Variants in ADAMTS18 observed in about 807,000 individuals in gnomAD.
ADAMTS18 encodes ADAM metallopeptidase with thrombospondin type 1 motif 18, also known as A disintegrin and metalloproteinase with thrombospondin motifs 18.
Under a neutral mutation model 165.9 loss-of-function variants are expected in ADAMTS18, and 157 were observed. That is an observed-to-expected ratio of 0.95 (90% CI 0.83 to 1.08). The LOEUF is 1.08. Ranked by LOEUF, ADAMTS18 falls within the 50% of genes least tolerant of loss-of-function variation. ADAMTS18 has a pLI of 0.00. For missense variants in ADAMTS18, 2,040 were observed against 1,534.0 expected (o/e 1.33, Z -5.51); for synonymous variants, 782 against 578.2 (o/e 1.35, Z -5.06).
intron 16 of ADAMTS18, among the ~76,000 whole-genome samples, chr16:77,318,392 T>G (rs529278823): frequency 7.2e-5 from 11 of 152,318 alleles, no homozygotes; most frequent in African/African-American, 2.6e-4. Context: ...TGTGGCCAAG[T>G]GAGCCAGGAA....
chr16:77,383,170 C>T (rs1009875415), intron 3 of ADAMTS18, among the ~76,000 whole-genome samples: 4 of 152,120 alleles, frequency 2.6e-5, no homozygotes, highest in Non-Finnish European at 5.9e-5. Context: ...CAGTGGTCTC[C>T]TATCTCCTCT....
At position 77,283,267 on chromosome 16, in the gene ADAMTS18, T is replaced by A. The variant is rs1049710701; in HGVS notation, c.*689A>T. 2 of 152,698 alleles carry A rather than the reference T, an allele frequency of 1.3e-5. No individual in the cohort carries two copies. Among genetic ancestry groups the A allele is most frequent in the African/African-American group, 4.8e-5 (2 of 41,440 alleles). The allele number at this position is 152,698 out of a possible 1,614,324, so 9.5% of individuals were successfully genotyped here. A position where few individuals can be genotyped will look rare whatever the true frequency, so the allele number is the denominator to read the frequency against. On this transcript the variant is annotated 3_prime_UTR_variant, in exon 23 of 23. Coordinates refer to ENST00000282849, the MANE Select transcript of ADAMTS18 (RefSeq NM_199355.4). ...TGCATGAATTTCAATTACATGGAGA[T>A]CTTAAACAGTCCATGTTGCCCTATT...
At chr16:77,317,159 C>T (rs1412212774) in intron 16 of ADAMTS18, among the ~76,000 whole-genome samples, 2 of 152,138 alleles carry the variant, frequency 1.3e-5, no homozygotes, top group African/African-American at 2.4e-5. Flanking sequence ...ACAATCTGTA[C>T]ATCTGCCTTC....
chr16:77,389,917 G>A (rs370653379), intron 3 of ADAMTS18, among the ~76,000 whole-genome samples: 25 of 152,270 alleles, frequency 1.6e-4, no homozygotes, highest in Admixed American at 3.3e-4. Flanking sequence ...ATAAGATAAC[G>A]TGTGCCCACA....
chr16:77,403,943 C>T (rs1420335291), intron 3 of ADAMTS18, among the ~76,000 whole-genome samples: 8 of 152,048 alleles, frequency 5.3e-5, no homozygotes, highest in Non-Finnish European at 1.2e-4. Context: ...AGAGTGTGAC[C>T]TTGGAGCAGA....
chr16:77,340,406 C>T (rs533406323), intron 11 of ADAMTS18, among the ~76,000 whole-genome samples: 37 of 152,244 alleles, frequency 2.4e-4, no homozygotes, highest in African/African-American at 8.7e-4. Context: ...AACTTCTGAC[C>T]TCAAGGGATC....
Position 77,289,423 on chromosome 16 carries a change from A to G in ADAMTS18, c.3403-12T>C. On this transcript the variant is annotated splice_polypyrimidine_tract_variant and intron_variant, in intron 21 of 22. Transcript: ENST00000282849. ...CAGGTGACTGTGCACTGCAGCAGAG[A>G]GAAGAGGAAGGAGTCAGAAACACTC... is the stretch of plus-strand genomic sequence containing the variant. 6.2e-7 allele frequency: 1 copy of G among 1,613,800 alleles called. No individual in the cohort carries two copies. Among genetic ancestry groups the G allele is most frequent in the Non-Finnish European group, 8.5e-7 (1 of 1,179,920 alleles).
intron 3 of ADAMTS18, among the ~76,000 whole-genome samples, chr16:77,368,622 G>A (rs2056833838): frequency 6.6e-6 from 1 of 151,664 alleles, no homozygotes; most frequent in Non-Finnish European, 1.5e-5. Context: ...TATTGCCCAG[G>A]CTCGTCTCAA....
chr16:77,434,463 C>T lies in ADAMTS18; in HGVS notation c.133G>A (p.Ala45Thr), dbSNP rs199523966. Residue 45 changes from alanine to threonine, a missense_variant, in exon 2 of 23, where the codon GCC (alanine) becomes ACC (threonine). Coordinates refer to ENST00000282849, the MANE Select transcript of ADAMTS18 (RefSeq NM_199355.4). ...CCGCTGCTGCTGTCACTGGCTAAGG[C>T]CGCGGCGACCGACGCACAGCAGAGG... is the stretch of plus-strand genomic sequence containing the variant. ...CCLCCASVAA[A>T]LASDSSSGAS... is the part of the protein sequence containing the mutation. 8.7e-5 allele frequency: 137 copies of T among 1,571,164 alleles called. No individual in the cohort carries two copies. Among genetic ancestry groups the T allele is most frequent in the Non-Finnish European group, 1.1e-4 (125 of 1,163,922 alleles).
intron 3 of ADAMTS18, among the ~76,000 whole-genome samples, chr16:77,395,415 C>T (rs1000374445): frequency 6.6e-6 from 1 of 152,184 alleles, no homozygotes; most frequent in Admixed American, 6.5e-5. Context: ...ACTTCTTCCT[C>T]CTACAGAGCA....
chr16:77,298,266 T>C (rs557202705), intron 17 of ADAMTS18, among the ~76,000 whole-genome samples: 111 of 152,166 alleles, frequency 7.3e-4, no homozygotes, highest in Non-Finnish European at 1.3e-3. Flanking sequence ...TCAACATTAA[T>C]TTCAGGACTT....
intron 11 of ADAMTS18, among the ~76,000 whole-genome samples, chr16:77,336,163 G>T (rs779873867): frequency 1.3e-5 from 2 of 152,218 alleles, no homozygotes; most frequent in Non-Finnish European, 2.9e-5. Context: ...TTTGTGAACT[G>T]TGGAGGTGAC....
intron 11 of ADAMTS18, among the ~76,000 whole-genome samples, chr16:77,340,944 A>T (rs2144686452): frequency 6.6e-6 from 1 of 152,302 alleles, no homozygotes. Context: ...GTCAATAATT[A>T]AGATCAGCAA....
At chr16:77,381,739 T>A (rs945302396) in intron 3 of ADAMTS18, among the ~76,000 whole-genome samples, 1 of 152,166 alleles carries the variant, frequency 6.6e-6, no homozygotes, top group African/African-American at 2.4e-5. Context: ...GAGGCGGAGG[T>A]TGCAGTGAGC....
intron 12 of ADAMTS18, among the ~76,000 whole-genome samples, chr16:77,330,926 T>C (rs75914316): frequency 6.6e-6 from 1 of 151,992 alleles, no homozygotes. Context: ...TAACTTGAAA[T>C]AGGGAGAAAA....
chr16:77,293,044 C>G (rs772596882), intron 20 of ADAMTS18, 32 bp downstream of exon 20: 32 of 1,613,424 alleles, frequency 2.0e-5, no homozygotes, highest in Non-Finnish European at 2.7e-5. Context: ...TGGTCTCAAT[C>G]TCCTGACCCA....
intron 13 of ADAMTS18, 67 bp from the exon 14 acceptor site, chr16:77,322,533 A>G: frequency 6.4e-7 from 1 of 1,565,848 alleles, no homozygotes; most frequent in Non-Finnish European, 8.8e-7. Context: ...TAGGATTGTC[A>G]AAAGAATGAA....
chr16:77,334,795 C>G (rs1190002989), intron 12 of ADAMTS18, among the ~76,000 whole-genome samples: 1 of 20,346 alleles, frequency 4.9e-5, no homozygotes, highest in Non-Finnish European at 8.3e-5. Context: ...AGTAAATATA[C>G]TATATACTAT....
intron 16 of ADAMTS18, among the ~76,000 whole-genome samples, chr16:77,314,753 CATAT>C (rs36191323): frequency 0.012 from 443 of 36,924 alleles, 73 homozygotes; most frequent in East Asian, 0.069. Context: ...TCTCAGGTTT[CATAT>C]ATATATATAT....
Sources: allele counts gnomAD v4.1 joint callset (sites outside exome capture counted in the v4.1 genomes callset), GRCh38; gene constraint gnomAD v4.1.1; transcripts MANE v1.5; gene names NCBI Gene and HGNC (gene_info 2026-07-23, HGNC 2026-07-21).